DONSON: variants seen among roughly 807,000 people sequenced by gnomAD.
DONSON encodes the protein protein downstream neighbor of Son.
A neutral mutation model predicts 62.1 loss-of-function variants in DONSON; 43 were observed. The ratio of observed to expected loss-of-function variants is 0.69; its 90% CI spans 0.54 to 0.89. The LOEUF is 0.89. Among genes scored for constraint, DONSON ranks in the 40% least tolerant of loss-of-function variants. The probability of loss-of-function intolerance (pLI) is 0.00; values close to 1 mark genes in which losing one functional copy is unlikely to be tolerated. For missense variants in DONSON, 696 were observed against 697.5 expected, an observed-to-expected ratio of 1.00 and a Z score of 0.03; for synonymous variants, 266 against 264.6, an observed-to-expected ratio of 1.01 and a Z score of -0.05.
chr21:33,583,937 T>G (rs2086546611), intron 4 of DONSON, among the ~76,000 whole-genome samples: 1 of 150,128 alleles, frequency 6.7e-6, no homozygotes, highest in Admixed American at 6.6e-5. Flanking sequence ...AATTGCCTGC[T>G]GACTTTCTCT....
intron 5 of DONSON, among the ~76,000 whole-genome samples, chr21:33,583,005 T>C (rs1456523417): frequency 6.6e-6 from 1 of 151,614 alleles, no homozygotes; most frequent in East Asian, 1.9e-4. Context: ...ATCGAGATCG[T>C]CCTGGCTAAC....
chr21:33,577,666 CACACACACACACACACACACA>C lies in DONSON; in HGVS notation c.*620_*640del, dbSNP rs2086442996. ...ACACACACACACACACACACACACACACACACACACACACACACACACACACACACACACACCCCTATAAGC... is the reference window on the plus strand; with the variant it reads ...ACACACACACACACACACACACACACCACACACACACACACCCCTATAAGC... On this transcript the variant is annotated 3_prime_UTR_variant, in exon 10 of 10. Transcript: ENST00000303071. 1 of 104,632 alleles carries C rather than the reference CACACACACACACACACACACA, an allele frequency of 9.6e-6. No individual in the cohort carries two copies. The highest frequency in any genetic ancestry group is 4.1e-5 in the African/African-American group (1 of 24,576). The allele number at this position is 104,632 out of a possible 1,614,324, so 6.5% of individuals were successfully genotyped here. A position where few individuals can be genotyped will look rare whatever the true frequency, so the allele number is the denominator to read the frequency against.
intron 9 of DONSON, among the ~76,000 whole-genome samples, chr21:33,578,846 T>C (rs1173680618): frequency 1.3e-5 from 2 of 152,172 alleles, no homozygotes; most frequent in Non-Finnish European, 1.5e-5. Context: ...TTAAAACTAT[T>C]TGGACTGAGG....
chr21:33,579,602 T>G (rs1394342241), intron 8 of DONSON, 40 bp from the exon 9 acceptor site: 1 of 1,574,840 alleles, frequency 6.3e-7, no homozygotes, highest in Non-Finnish European at 8.7e-7. Context: ...TAAGATCATC[T>G]CTCAACCTTT....
At chr21:33,579,238 A>AGTTT in intron 9 of DONSON, 112 bp downstream of exon 9, 1 of 725,344 alleles carries the variant, frequency 1.4e-6, no homozygotes, top group Non-Finnish European at 2.1e-6. Flanking sequence ...TAATTAAGTA[A>AGTTT]CAGTTTAATT....
chr21:33,579,376 G>A lies in DONSON; in HGVS notation c.1537C>T (p.Leu513=). 1 of 1,607,100 alleles carries A rather than the reference G, an allele frequency of 6.2e-7. No homozygotes were observed. The highest frequency in any genetic ancestry group is 8.5e-7 in the Non-Finnish European group (1 of 1,174,760). The change falls in exon 9 of 10, where the codon CTG becomes TTG. Residue 513 remains leucine, a synonymous_variant. Transcript: ENST00000303071. The stretch of plus-strand genomic sequence containing the variant: ...ATATCAAGTACTTTGTCCATTTGCA[G>A]GCAGATGTTAAATACAGCAGTTGGC... ...HEPTAVFNIC[L]QMDKVLDMEV...
At position 33,578,106 on chromosome 21, in the gene DONSON, ATT is replaced by A. The variant is rs571040026; in HGVS notation, c.*199_*200del. The A allele has an allele frequency of 8.3e-4, 446 of 534,358 alleles. 2 individuals carry two copies. Among genetic ancestry groups the A allele is most frequent in the Non-Finnish European group, 1.3e-3 (407 of 311,068 alleles). 33.1% of individuals were successfully genotyped at this position (534,358 alleles called of 1,614,324 possible). ...TAGGTTGTAGGGATATAGATATCTC[ATT>A]TGAGTTATCTGAGTTTTTCATCTTT... On this transcript the variant is annotated 3_prime_UTR_variant, in exon 10 of 10. Transcript: ENST00000303071.
At chr21:33,583,977 T>C (rs2086546986) in intron 4 of DONSON, among the ~76,000 whole-genome samples, 1 of 145,056 alleles carries the variant, frequency 6.9e-6, no homozygotes, top group African/African-American at 2.5e-5. Flanking sequence ...AAGCAGAGAC[T>C]GACAAGAAGT....
At chr21:33,586,363 C>T (rs1486817459) in intron 2 of DONSON, among the ~76,000 whole-genome samples, 182 bp from the exon 3 acceptor site, 3 of 152,084 alleles carry the variant, frequency 2.0e-5, no homozygotes, top group African/African-American at 7.2e-5. Context: ...AACTTTTAAC[C>T]ATGGTTACCT....
chr21:33,583,535 AG>A lies in DONSON; in HGVS notation c.916del (p.Leu306SerfsTer9). 4.3e-6 allele frequency: 7 copies of A among 1,614,040 alleles called. No individual in the cohort carries two copies. Among genetic ancestry groups the A allele is most frequent in the Non-Finnish European group, 5.9e-6 (7 of 1,179,978 alleles). Reference protein sequence around the residue: ...GLAGSDLITALISPTTRGLRE... With the variant: ...GLAGSDLITAXISPTTRGLRE... Reference sequence around the variant, plus strand: ...TAAACCTCGAGTTGTTGGAGATATGAGAGCTGTGATTAAGTCACTTCCAGCT... The same window carrying A: ...TAAACCTCGAGTTGTTGGAGATATGAAGCTGTGATTAAGTCACTTCCAGCT... On this transcript the variant is annotated frameshift_variant, in exon 5 of 10. Transcript: ENST00000303071. LOFTEE classifies it high-confidence loss of function.
intron 7 of DONSON, 146 bp from the exon 8 acceptor site, chr21:33,581,646 A>G (rs2086512199): frequency 1.5e-5 from 11 of 731,126 alleles, no homozygotes; most frequent in African/African-American, 3.6e-5. Flanking sequence ...ATCATAAGGC[A>G]TATGTTTCAA....
At position 33,587,618 on chromosome 21, in the gene DONSON, T is replaced by G; in HGVS notation, c.322-16A>C. 2 of 1,542,238 alleles carry G rather than the reference T, an allele frequency of 1.3e-6. No homozygotes were observed. Among genetic ancestry groups the G allele is most frequent in the Non-Finnish European group, 1.8e-6 (2 of 1,135,782 alleles). On this transcript the variant is annotated splice_polypyrimidine_tract_variant and intron_variant, in intron 1 of 9. Transcript: ENST00000303071. Reference sequence around the variant, plus strand: ...AATCTAAAAACTGAGGTTAAATATATTCTCCTTTAAAATTTAAAGGATGCT... The same window carrying G: ...AATCTAAAAACTGAGGTTAAATATAGTCTCCTTTAAAATTTAAAGGATGCT...
chr21:33,580,892 CAAAA>C (rs999648883), intron 8 of DONSON, among the ~76,000 whole-genome samples: 1 of 149,674 alleles, frequency 6.7e-6, no homozygotes, highest in South Asian at 2.1e-4. Context: ...AACAAACAAA[CAAAA>C]ACAAACAAGA....
In DONSON at chr21:33,582,025, C is replaced by T; in HGVS notation, c.1077G>A (p.Glu359=). 6.2e-7 allele frequency: 1 copy of T among 1,614,134 alleles called. No homozygotes were observed. The highest frequency in any genetic ancestry group is 2.2e-5 in the East Asian group (1 of 44,864). ...EEQAISDEDE[E]ESFSWLEEMG... Reference sequence around the variant, plus strand: ...TCTCTTCCAGCCAGGAAAAACTTTCCTCTTCATCCTCATCACTGATGGCTT... The same window carrying T: ...TCTCTTCCAGCCAGGAAAAACTTTCTTCTTCATCCTCATCACTGATGGCTT... Residue 359 remains glutamate, a synonymous_variant, in exon 7 of 10, where the codon GAG becomes GAA. Coordinates refer to ENST00000303071, the MANE Select transcript of DONSON (RefSeq NM_017613.4).
At chr21:33,582,901 T>C (rs1199888989) in intron 5 of DONSON, among the ~76,000 whole-genome samples, 1 of 152,060 alleles carries the variant, frequency 6.6e-6, no homozygotes, top group Non-Finnish European at 1.5e-5. Context: ...TGTGCCCTCC[T>C]TATAAGAATG....
intron 1 of DONSON, 99 bp from the exon 2 acceptor site, chr21:33,587,701 G>A (rs1017875119): frequency 1.3e-5 from 10 of 741,498 alleles, no homozygotes; most frequent in South Asian, 2.1e-5. Context: ...CTCAATAAAC[G>A]CAAGTACACC....
Position 33,588,419 on chromosome 21 carries a change from C to A in DONSON, c.223G>T (p.Ala75Ser), listed in dbSNP as rs1161274284. ...AGGCGGGCGAAGGGGTTCCTCCGAG[C>A]AGCGGCCGGGCCGCCGCCGCTGCCA... Reference protein sequence around the residue: ...GGGSGGGPAAARRNPFARLDN... With the variant: ...GGGSGGGPAASRRNPFARLDN... Residue 75 changes from alanine to serine, a missense_variant, in exon 1 of 10, where the codon GCT (alanine) becomes TCT (serine). Transcript: ENST00000303071. 1 of 1,309,294 alleles carries A rather than the reference C, an allele frequency of 7.6e-7. No individual in the cohort carries two copies. The highest frequency in any genetic ancestry group is 2.3e-5 in the South Asian group (1 of 44,066). 81.1% of individuals were successfully genotyped at this position (1,309,294 alleles called of 1,614,324 possible). A position where few individuals can be genotyped will look rare whatever the true frequency, so the allele number is the denominator to read the frequency against.
chr21:33,584,439 T>C (rs2086555704), intron 4 of DONSON, 151 bp downstream of exon 4: 1 of 684,470 alleles, frequency 1.5e-6, no homozygotes, highest in Non-Finnish European at 2.2e-6. Flanking sequence ...AAGTAAACAG[T>C]TTATATGTTG....
rs74582090 is a variant in DONSON at position 33,578,680 on chromosome 21, A to T, written c.1564-236T>A. Among the ~76,000 whole-genome samples the T allele has an allele frequency of 7.9e-3, 1,197 of 152,306 alleles. 13 individuals carry two copies. The highest frequency in any genetic ancestry group is 0.028 in the African/African-American group (1,148 of 41,546). ...AAAGGTCTTAATTCTAACTCTAAAA[A>T]CCTTAAGTATGTTCAAAATTAAAGG... On this transcript the variant is annotated intron_variant, in intron 9 of 9. Coordinates refer to ENST00000303071, the MANE Select transcript of DONSON (RefSeq NM_017613.4).
Sources: allele counts gnomAD v4.1 joint callset (sites outside exome capture counted in the v4.1 genomes callset), GRCh38; gene constraint gnomAD v4.1.1; transcripts MANE v1.5; gene names NCBI Gene and HGNC (gene_info 2026-07-23, HGNC 2026-07-21).